Variants in NALCN observed in about 807,000 individuals in gnomAD.
NALCN encodes sodium leak channel NALCN.
Under a neutral mutation model 225.3 loss-of-function variants are expected in NALCN, and 111 were observed. That is an observed-to-expected ratio of 0.49 (90% CI 0.42 to 0.58). The LOEUF is 0.58. Among genes scored for constraint, NALCN ranks in the 20% least tolerant of loss-of-function variants. The pLI, the probability that NALCN is intolerant of heterozygous loss-of-function variation, is 0.00. For missense variants in NALCN, 1,378 were observed against 2,202.4 expected, an observed-to-expected ratio of 0.63 and a Z score of 7.49; for synonymous variants, 764 against 769.0, an observed-to-expected ratio of 0.99 and a Z score of 0.11.
chr13:101,237,309 T>G (rs979170246), intron 12 of NALCN, among the ~76,000 whole-genome samples: 5 of 152,096 alleles, frequency 3.3e-5, no homozygotes, highest in Admixed American at 6.5e-5. Context: ...AAACCTTTAA[T>G]ATTTTCATTA....
chr13:101,409,920 A>T (rs1382880035), intron 1 of NALCN, among the ~76,000 whole-genome samples: 5 of 152,108 alleles, frequency 3.3e-5, no homozygotes, highest in Non-Finnish European at 7.4e-5. Flanking sequence ...TCTTATCTCT[A>T]ATGTATTTGG....
intron 6 of NALCN, among the ~76,000 whole-genome samples, chr13:101,349,486 G>A (rs2045842991): frequency 1.3e-5 from 2 of 152,134 alleles, no homozygotes; most frequent in African/African-American, 4.8e-5. Flanking sequence ...AGATGATCCT[G>A]AATTATCCAG....
intron 2 of NALCN, among the ~76,000 whole-genome samples, chr13:101,396,625 T>A (rs1343261396): frequency 6.6e-6 from 1 of 152,054 alleles, no homozygotes; most frequent in African/African-American, 2.4e-5. Context: ...CCACTGATGA[T>A]TCAGTTTACT....
chr13:101,161,076 C>T (rs2038160692), intron 15 of NALCN, among the ~76,000 whole-genome samples: 1 of 152,212 alleles, frequency 6.6e-6, no homozygotes, highest in Non-Finnish European at 1.5e-5. Context: ...TTACACCTTC[C>T]AGTATTATGA....
rs868120062 is a variant in NALCN at position 101,300,023 on chromosome 13, A to T, written c.800-7657T>A. Among the ~76,000 whole-genome samples the T allele has an allele frequency of 2.3e-4, 30 of 133,298 alleles. 1 individual carries two copies. Among genetic ancestry groups the T allele is most frequent in the African/African-American group, 6.3e-4 (25 of 39,578 alleles). The allele number at this position is 133,298 out of a possible 152,430, so 87.4% of individuals were successfully genotyped here. The stretch of plus-strand genomic sequence containing the variant: ...AAATGTATTTAGTGTGACATAATTA[A>T]AAAAAAAAAGCAGCAGCGAGGGGTG... On this transcript the variant is annotated intron_variant, in intron 7 of 43. Coordinates refer to ENST00000251127, the MANE Select transcript of NALCN (RefSeq NM_052867.4).
chr13:101,338,172 G>T (rs1412065717), intron 7 of NALCN, among the ~76,000 whole-genome samples: 1 of 152,158 alleles, frequency 6.6e-6, no homozygotes, highest in African/African-American at 2.4e-5. Context: ...TGAATATATA[G>T]AACAGGCAAA....
intron 11 of NALCN, among the ~76,000 whole-genome samples, chr13:101,249,432 G>A (rs2041997833): frequency 6.6e-6 from 1 of 152,112 alleles, no homozygotes; most frequent in Non-Finnish European, 1.5e-5. Context: ...TTTGTGAAAG[G>A]AAGTGTAACT....
chr13:101,389,346 A>G (rs1300651905), intron 3 of NALCN, among the ~76,000 whole-genome samples: 1 of 152,256 alleles, frequency 6.6e-6, no homozygotes, highest in Non-Finnish European at 1.5e-5. Flanking sequence ...TGCAAGTTGC[A>G]GGTTAATGTA....
Position 101,237,914 on chromosome 13 carries a change from A to T in NALCN, c.1275T>A (p.Phe425Leu). The change falls in exon 12 of 44, where the codon TTT becomes TTA. Residue 425 changes from phenylalanine (F) to leucine (L), a missense_variant. By Grantham distance (22) the Phe-to-Leu change is conservative (BLOSUM62 0). Coordinates refer to ENST00000251127, the MANE Select transcript of NALCN (RefSeq NM_052867.4). ...GTGCTTCCAAATCAAAAAGTACTGT[A>T]AAAGCCACCTAGAGAAACAAAGAAA... ...YDEFYLAEVAFTVLFDLEALL... is the reference protein window; with the variant it reads ...YDEFYLAEVALTVLFDLEALL... 1 of 1,603,194 alleles carries T rather than the reference A, an allele frequency of 6.2e-7. No individual in the cohort carries two copies. The highest frequency in any genetic ancestry group is 8.5e-7 in the Non-Finnish European group (1 of 1,175,684).
intron 13 of NALCN, among the ~76,000 whole-genome samples, chr13:101,220,295 T>G (rs1352333834): frequency 6.6e-6 from 1 of 152,198 alleles, no homozygotes; most frequent in Non-Finnish European, 1.5e-5. Context: ...ACTCAACCAC[T>G]GGATAATGTC....
intron 20 of NALCN, among the ~76,000 whole-genome samples, chr13:101,109,370 C>T (rs2035309022): frequency 1.3e-5 from 2 of 152,174 alleles, no homozygotes; most frequent in South Asian, 4.1e-4. Context: ...ATCAGGTGTT[C>T]TCATTGCCAA....
intron 11 of NALCN, among the ~76,000 whole-genome samples, chr13:101,247,470 G>T (rs2041932012): frequency 6.6e-6 from 1 of 151,888 alleles, no homozygotes; most frequent in Admixed American, 6.6e-5. Flanking sequence ...GAGGGAGAGA[G>T]AAATAAGAAA....
chr13:101,408,295 C>A (rs1486196133), intron 1 of NALCN, among the ~76,000 whole-genome samples: 1 of 152,052 alleles, frequency 6.6e-6, no homozygotes, highest in African/African-American at 2.4e-5. Context: ...TCCTTCCGGG[C>A]CCTCTCAAGC....
At chr13:101,134,413 A>G (rs2036666505) in intron 17 of NALCN, among the ~76,000 whole-genome samples, 1 of 152,184 alleles carries the variant, frequency 6.6e-6, no homozygotes, top group South Asian at 2.1e-4. Context: ...ATTCCAATAG[A>G]TTGTAAACTC....
At position 101,408,687 on chromosome 13, in the gene NALCN, C is replaced by G. The variant is rs1448715750; in HGVS notation, c.-40+7626G>C. ...TTCTCTTTTTCTTTCTGCCTCTCTC[C>G]TTCTCTCTCTCTCCTCCAAATGCCA... On this transcript the variant is annotated intron_variant, in intron 1 of 43. Transcript: ENST00000251127. Among the ~76,000 whole-genome samples, 9 of 152,166 alleles carry G rather than the reference C, an allele frequency of 5.9e-5. No homozygotes were observed. In the East Asian group the frequency reaches 1.7e-3, roughly 30 times the overall value.
chr13:101,393,846 C>A (rs938326972), intron 3 of NALCN, among the ~76,000 whole-genome samples: 3 of 152,080 alleles, frequency 2.0e-5, no homozygotes, highest in African/African-American at 4.8e-5. Context: ...ACTATGTAAA[C>A]CTTGTCTGAG....
At chr13:101,176,185 C>A in intron 15 of NALCN, 115 bp downstream of exon 15, 1 of 631,808 alleles carries the variant, frequency 1.6e-6, no homozygotes. Context: ...CCTTCGATAG[C>A]CTTATTACAT....
intron 13 of NALCN, among the ~76,000 whole-genome samples, chr13:101,221,663 T>A (rs2140109667): frequency 6.6e-6 from 1 of 152,282 alleles, no homozygotes; most frequent in South Asian, 2.1e-4. Context: ...ACCATTGTAT[T>A]CAACACACCA....
At chr13:101,158,012 A>G (rs1397628485) in intron 15 of NALCN, among the ~76,000 whole-genome samples, 2 of 152,056 alleles carry the variant, frequency 1.3e-5, no homozygotes. Flanking sequence ...CAGCCTCCCA[A>G]AGTGCTGAGA....
Sources: allele counts gnomAD v4.1 joint callset (sites outside exome capture counted in the v4.1 genomes callset), GRCh38; gene constraint gnomAD v4.1.1; transcripts MANE v1.5; gene names NCBI Gene and HGNC (gene_info 2026-07-23, HGNC 2026-07-21).